Variants in FRMD4A observed in about 807,000 individuals in gnomAD.
FRMD4A encodes the protein FERM domain containing 4A.
A neutral mutation model predicts 129.1 loss-of-function variants in FRMD4A; 29 were observed. The ratio of observed to expected loss-of-function variants is 0.22; its 90% confidence interval spans 0.17 to 0.31. The LOEUF (loss-of-function observed/expected upper bound fraction) is 0.31, where lower values mean the gene tolerates loss of function less well. Ranked by LOEUF, FRMD4A falls within the 10% of genes least tolerant of loss-of-function variation. FRMD4A has a pLI of 1.00. For missense variants in FRMD4A, 1,272 were observed against 1,375.8 expected (o/e 0.92, Z 1.19); for synonymous variants, 634 against 571.6 (o/e 1.11, Z -1.56).
intron 2 of FRMD4A, among the ~76,000 whole-genome samples, chr10:14,233,605 G>A (rs1258839610): frequency 6.6e-5 from 10 of 152,120 alleles, no homozygotes; most frequent in Non-Finnish European, 1.2e-4. Flanking sequence ...CATCCTGAGT[G>A]CTTTTGTGGC....
rs1429238276 is a variant in FRMD4A at position 14,206,820 on chromosome 10, A to AAAAAAAAAG, written c.45+123237_45+123238insCTTTTTTTT. Among the ~76,000 whole-genome samples the AAAAAAAAAG allele has an allele frequency of 6.3e-5, 8 of 127,490 alleles. 3 individuals carry two copies. The highest frequency in any genetic ancestry group is 1.2e-4 in the Non-Finnish European group (7 of 59,662). 83.6% of individuals were successfully genotyped at this position (127,490 alleles called of 152,430 possible). A position where few individuals can be genotyped will look rare whatever the true frequency, so the allele number is the denominator to read the frequency against. ...GTGAGACGCTATCTCAAAAAAAAAA[A>AAAAAAAAAG]AGAGAGACAGAGAAACAAAATATTT... On this transcript the variant is annotated intron_variant, in intron 2 of 24. Coordinates refer to ENST00000357447, the MANE Select transcript of FRMD4A (RefSeq NM_018027.5).
intron 2 of FRMD4A, among the ~76,000 whole-genome samples, chr10:14,115,504 A>G (rs999196486): frequency 6.6e-6 from 1 of 152,120 alleles, no homozygotes; most frequent in East Asian, 1.9e-4. Flanking sequence ...GACATTGATA[A>G]AGTTTGGATA....
chr10:13,832,488 C>A (rs1423844928), intron 3 of FRMD4A, among the ~76,000 whole-genome samples: 1 of 152,134 alleles, frequency 6.6e-6, no homozygotes, highest in Admixed American at 6.5e-5. Flanking sequence ...GCCAGAGATG[C>A]CTGGGGCACC....
intron 3 of FRMD4A, among the ~76,000 whole-genome samples, chr10:13,854,248 G>A (rs1489272256): frequency 6.6e-6 from 1 of 152,062 alleles, no homozygotes; most frequent in African/African-American, 2.4e-5. Flanking sequence ...ATACATTCGG[G>A]TCAGAGAATA....
At chr10:14,022,611 A>T (rs2131647609) in intron 2 of FRMD4A, among the ~76,000 whole-genome samples, 1 of 152,250 alleles carries the variant, frequency 6.6e-6, no homozygotes. Context: ...AAGGGGTAAA[A>T]ATTGAGTGTG....
At chr10:13,708,166 T>TC (rs2134909300) in intron 12 of FRMD4A, among the ~76,000 whole-genome samples, 1 of 151,678 alleles carries the variant, frequency 6.6e-6, no homozygotes, top group East Asian at 1.9e-4. Context: ...TTCCCTGGGC[T>TC]CCCCCCTTTC....
intron 21 of FRMD4A, among the ~76,000 whole-genome samples, chr10:13,657,958 C>T (rs928088444): frequency 6.6e-6 from 1 of 151,744 alleles, no homozygotes; most frequent in East Asian, 1.9e-4. Flanking sequence ...CTGTGCAACA[C>T]TGTAAGACCT....
intron 2 of FRMD4A, among the ~76,000 whole-genome samples, chr10:14,209,114 C>T (rs541607193): frequency 6.6e-6 from 1 of 152,098 alleles, no homozygotes; most frequent in Non-Finnish European, 1.5e-5. Flanking sequence ...CTCTTCCTCA[C>T]TTTCCTTGCC....
intron 2 of FRMD4A, among the ~76,000 whole-genome samples, chr10:14,023,100 A>G (rs986152645): frequency 2.6e-5 from 4 of 151,894 alleles, no homozygotes. Flanking sequence ...TTCAGTTTCT[A>G]CTCATACTTC....
intron 2 of FRMD4A, among the ~76,000 whole-genome samples, chr10:13,962,188 C>G (rs1489068401): frequency 2.0e-5 from 3 of 152,200 alleles, no homozygotes; most frequent in Admixed American, 1.3e-4. Context: ...TCCGAATACA[C>G]CATTTCTTCT....
At chr10:13,654,987 C>G (rs2134606106) in intron 22 of FRMD4A, 1 of 162,750 alleles carries the variant, frequency 6.1e-6, no homozygotes, top group East Asian at 1.9e-4. Flanking sequence ...GAGAGGGCAT[C>G]CAGAAAGGTT....
intron 2 of FRMD4A, among the ~76,000 whole-genome samples, chr10:14,185,857 C>A (rs1207060452): frequency 2.0e-5 from 3 of 152,044 alleles, no homozygotes; most frequent in Non-Finnish European, 4.4e-5. Flanking sequence ...CCAGGTTTCC[C>A]ATAGAGTTAG....
chr10:14,098,432 C>T (rs893741607), intron 2 of FRMD4A, among the ~76,000 whole-genome samples: 14 of 150,802 alleles, frequency 9.3e-5, no homozygotes, highest in African/African-American at 3.4e-4. Context: ...GAAACAGAGT[C>T]TCGCTCTGTC....
At position 14,188,595 on chromosome 10, in the gene FRMD4A, T is replaced by C. The variant is rs540034269; in HGVS notation, c.45+141463A>G. On this transcript the variant is annotated intron_variant, in intron 2 of 24. Transcript: ENST00000357447. The stretch of plus-strand genomic sequence containing the variant: ...TGTCCATTACTTAATAAGCCCTCAA[T>C]AGACATTAGCTTTCTTCAAAGTCCT... Among the ~76,000 whole-genome samples the C allele has an allele frequency of 2.7e-4, 41 of 152,150 alleles. 1 individual carries two copies. Among genetic ancestry groups the C allele is most frequent in the Non-Finnish European group, 2.2e-4 (15 of 68,030 alleles).
chr10:13,933,657 A>G (rs961446377), intron 2 of FRMD4A, among the ~76,000 whole-genome samples: 3 of 152,212 alleles, frequency 2.0e-5, no homozygotes, highest in African/African-American at 7.2e-5. Flanking sequence ...TTTCATCCAC[A>G]TTCAAGCATT....
intron 8 of FRMD4A, among the ~76,000 whole-genome samples, chr10:13,752,629 C>T (rs2091681161): frequency 6.6e-6 from 1 of 152,038 alleles, no homozygotes; most frequent in Non-Finnish European, 1.5e-5. Flanking sequence ...ACTATCGTAA[C>T]AGAAAGGAAC....
chr10:13,941,603 G>A (rs1051064356), intron 2 of FRMD4A, among the ~76,000 whole-genome samples: 3 of 152,156 alleles, frequency 2.0e-5, no homozygotes, highest in South Asian at 4.1e-4. Context: ...GAGGAGCTTT[G>A]GTGCTACTTG....
chr10:13,741,065 G>T (rs2090972858), intron 9 of FRMD4A, among the ~76,000 whole-genome samples: 2 of 152,092 alleles, frequency 1.3e-5, no homozygotes, highest in Admixed American at 1.3e-4. Flanking sequence ...AACCTCAAGT[G>T]ATCCACCCAC....
At chr10:14,209,661 C>T (rs1445027723) in intron 2 of FRMD4A, among the ~76,000 whole-genome samples, 4 of 148,298 alleles carry the variant, frequency 2.7e-5, no homozygotes, top group Non-Finnish European at 5.9e-5. Flanking sequence ...GCGGAGCTTG[C>T]AGTGAGCTGA....
Sources: allele counts gnomAD v4.1 joint callset (sites outside exome capture counted in the v4.1 genomes callset), GRCh38; gene constraint gnomAD v4.1.1; transcripts MANE v1.5; gene names NCBI Gene and HGNC (gene_info 2026-07-23, HGNC 2026-07-21).